Variants in SYT16 observed in about 807,000 individuals in gnomAD.
SYT16 encodes synaptotagmin 16, also known as synaptotagmin-16.
Under a neutral mutation model 61.4 loss-of-function variants are expected in SYT16, and 42 were observed. The observed-to-expected ratio is 0.68, with a 90% CI of 0.53 to 0.89. The LOEUF is 0.89. Among genes scored for constraint, SYT16 ranks in the 40% least tolerant of loss-of-function variants. SYT16 has a pLI of 0.00. For synonymous variants in SYT16, 314 were observed against 302.3 expected (o/e 1.04, Z -0.40); for missense variants, 804 against 807.3 (o/e 1.00, Z 0.05).
At chr14:61,883,642 T>A (rs2047783388) in intron 1 of SYT16, among the ~76,000 whole-genome samples, 1 of 152,238 alleles carries the variant, frequency 6.6e-6, no homozygotes, top group Admixed American at 6.5e-5. Context: ...CCTATGCCTG[T>A]TATCCAGTTC....
intron 1 of SYT16, among the ~76,000 whole-genome samples, chr14:61,856,675 G>C (rs147551796): frequency 9.5e-4 from 145 of 152,238 alleles, no homozygotes; most frequent in Admixed American, 2.4e-3. Flanking sequence ...CATCCTATTG[G>C]AGATATTGAA....
At chr14:61,949,920 A>G (rs1043023241) in intron 1 of SYT16, among the ~76,000 whole-genome samples, 15 of 152,188 alleles carry the variant, frequency 9.9e-5, no homozygotes, top group African/African-American at 3.6e-4. Flanking sequence ...ACTTTGTAAC[A>G]CGGTGCCTGC....
intron 2 of SYT16, among the ~76,000 whole-genome samples, chr14:61,984,711 G>A (rs537468832): frequency 1.2e-3 from 190 of 152,274 alleles, no homozygotes; most frequent in African/African-American, 4.1e-3. Flanking sequence ...GACAGGCATT[G>A]TTGGCTTAAA....
Position 62,103,379 on chromosome 14 carries a change from TG to T in SYT16, c.*2673del, listed in dbSNP as rs1372925002. 15 of 152,226 alleles carry T rather than the reference TG, an allele frequency of 9.9e-5. No individual in the cohort carries two copies. The highest frequency in any genetic ancestry group is 1.5e-5 in the Non-Finnish European group (1 of 68,034). The allele number at this position is 152,226 out of a possible 1,614,324, so 9.4% of individuals were successfully genotyped here. ...TTGACATTGAAGCAGCACTGGTTTT[TG>T]TTGCTTGAGTAGGTCTTTCAGCGAT... is the stretch of plus-strand genomic sequence containing the variant. On this transcript the variant is annotated 3_prime_UTR_variant, in exon 8 of 8. Transcript: ENST00000683842.
rs1162110272 is a variant in SYT16 at position 62,101,836 on chromosome 14, CAT to C, written c.*1134_*1135del. 2.0e-5 allele frequency: 3 copies of C among 152,132 alleles called. No homozygotes were observed. Among genetic ancestry groups the C allele is most frequent in the Non-Finnish European group, 4.4e-5 (3 of 68,004 alleles). The allele number at this position is 152,132 out of a possible 1,614,324, so 9.4% of individuals were successfully genotyped here. The stretch of plus-strand genomic sequence containing the variant: ...CATTTTTTTATGGCATTTGCAGCAA[CAT>C]ATATTAGTCACTACTTGCAATCTGG... On this transcript the variant is annotated 3_prime_UTR_variant, in exon 8 of 8. Transcript: ENST00000683842.
chr14:61,933,919 G>A (rs2049873997), intron 1 of SYT16, among the ~76,000 whole-genome samples: 1 of 152,038 alleles, frequency 6.6e-6, no homozygotes, highest in Non-Finnish European at 1.5e-5. Flanking sequence ...GTGTGTATGT[G>A]TATATATACA....
At chr14:61,918,940 A>G (rs1381419695) in intron 1 of SYT16, among the ~76,000 whole-genome samples, 2 of 152,174 alleles carry the variant, frequency 1.3e-5, no homozygotes, top group Non-Finnish European at 1.5e-5. Context: ...AAACATTTTT[A>G]TAACTTTTGG....
At chr14:61,845,051 T>G (rs1407519011) in intron 1 of SYT16, among the ~76,000 whole-genome samples, 34 of 142,878 alleles carry the variant, frequency 2.4e-4, no homozygotes, top group Admixed American at 1.7e-3. Flanking sequence ...TTTTTTTTTT[T>G]TTTTTTTTTT....
chr14:61,884,519 G>A (rs994627687), intron 1 of SYT16, among the ~76,000 whole-genome samples: 12 of 152,202 alleles, frequency 7.9e-5, no homozygotes, highest in Admixed American at 1.3e-4. Context: ...GTGATAAACA[G>A]CTTCTCTTCT....
intron 1 of SYT16, among the ~76,000 whole-genome samples, chr14:61,885,560 G>T (rs1230809729): frequency 6.6e-6 from 1 of 152,148 alleles, no homozygotes; most frequent in Non-Finnish European, 1.5e-5. Flanking sequence ...TTGGGGGTTT[G>T]ACAAAGCAAG....
rs148880499 is a variant in SYT16 at position 61,938,923 on chromosome 14, T to A, written c.-324-31209T>A. The stretch of plus-strand genomic sequence containing the variant: ...GCCAAGGCGGGCGGATCACTTAAGG[T>A]CAGGAGCCCGAGACCAGCCTGGCCA... On this transcript the variant is annotated intron_variant, in intron 1 of 7. Coordinates refer to ENST00000683842, the MANE Select transcript of SYT16 (RefSeq NM_001367656.1). Among the ~76,000 whole-genome samples the A allele has an allele frequency of 4.1e-4, 62 of 152,232 alleles. 1 individual carries two copies. The highest frequency in any genetic ancestry group is 1.3e-3 in the African/African-American group (56 of 41,532).
At chr14:61,918,154 G>C (rs2049189698) in intron 1 of SYT16, among the ~76,000 whole-genome samples, 1 of 152,098 alleles carries the variant, frequency 6.6e-6, no homozygotes, top group Non-Finnish European at 1.5e-5. Flanking sequence ...TTGGCAGGAA[G>C]GCATTTTCAA....
chr14:62,048,703 C>T (rs2055119105), intron 3 of SYT16, among the ~76,000 whole-genome samples: 1 of 152,170 alleles, frequency 6.6e-6, no homozygotes. Context: ...TTTCAAAGAA[C>T]ATCTTTATGT....
Position 61,991,958 on chromosome 14 carries a change from A to G in SYT16, c.-144-3918A>G, listed in dbSNP as rs554460925. Among the ~76,000 whole-genome samples the G allele has an allele frequency of 5.5e-4, 74 of 134,948 alleles. 1 individual carries two copies. Among genetic ancestry groups the G allele is most frequent in the East Asian group, 2.8e-3 (14 of 5,060 alleles). The allele number at this position is 134,948 out of a possible 152,430, so 88.5% of individuals were successfully genotyped here. A position where few individuals can be genotyped will look rare whatever the true frequency, so the allele number is the denominator to read the frequency against. ...CACTAATAACTTTGTTCGTTCATTC[A>G]TTCATTCATTCATTCATTCATTCAT... On this transcript the variant is annotated intron_variant, in intron 2 of 7. Transcript: ENST00000683842.
intron 3 of SYT16, among the ~76,000 whole-genome samples, chr14:62,011,814 A>G (rs1244788340): frequency 6.8e-6 from 1 of 146,860 alleles, no homozygotes; most frequent in Non-Finnish European, 1.5e-5. Context: ...CAGGACCCCA[A>G]ACACCTATTT....
intron 1 of SYT16, among the ~76,000 whole-genome samples, chr14:61,887,639 C>A (rs1167422938): frequency 1.3e-5 from 2 of 152,230 alleles, no homozygotes; most frequent in African/African-American, 4.8e-5. Flanking sequence ...CTTTGCCTTG[C>A]ACTTTTATAT....
intron 3 of SYT16, among the ~76,000 whole-genome samples, chr14:62,034,784 AATTG>A (rs776599650): frequency 3.3e-5 from 5 of 152,122 alleles, no homozygotes; most frequent in Non-Finnish European, 5.9e-5. Context: ...AATGTGCTAA[AATTG>A]ATTGTGATGG....
intron 3 of SYT16, among the ~76,000 whole-genome samples, chr14:62,005,059 A>G (rs1054535658): frequency 2.7e-4 from 41 of 152,176 alleles, no homozygotes; most frequent in Non-Finnish European, 1.5e-5. Flanking sequence ...TAGAAGTTCC[A>G]GTTCCTAGCT....
chr14:62,084,143 AAG>A (rs2056805242), intron 6 of SYT16, 51 bp from the exon 7 acceptor site: 2 of 1,565,174 alleles, frequency 1.3e-6, no homozygotes, highest in South Asian at 1.2e-5. Flanking sequence ...CTTTCTCTAA[AAG>A]AGAGTAGTGC....
Sources: allele counts gnomAD v4.1 joint callset (sites outside exome capture counted in the v4.1 genomes callset), GRCh38; gene constraint gnomAD v4.1.1; transcripts MANE v1.5; gene names NCBI Gene and HGNC (gene_info 2026-07-23, HGNC 2026-07-21).